WDR3: variants seen among roughly 807,000 people sequenced by gnomAD.
WDR3 encodes the protein WD repeat-containing protein 3.
Under a neutral mutation model 123.7 loss-of-function variants are expected in WDR3, and 81 were observed. The ratio of observed to expected loss-of-function variants is 0.65; its 90% CI spans 0.55 to 0.79. The LOEUF (loss-of-function observed/expected upper bound fraction) is 0.79. Ranked by LOEUF, WDR3 falls within the 30% of genes least tolerant of loss-of-function variation. The pLI is 0.00. For missense variants in WDR3, 1,027 were observed against 1,123.2 expected (o/e 0.91, Z 1.22); for synonymous variants, 390 against 388.8 (o/e 1.00, Z -0.04).
At chr1:117,934,422 T>C in intron 2 of WDR3, 51 bp from the exon 3 acceptor site, 1 of 1,576,420 alleles carries the variant, frequency 6.3e-7, no homozygotes, top group Non-Finnish European at 8.7e-7. Flanking sequence ...TGCTTTTCCC[T>C]TGAGTTCATG....
intron 1 of WDR3, among the ~76,000 whole-genome samples, chr1:117,932,738 A>G (rs1361919329): frequency 1.3e-5 from 2 of 152,194 alleles, no homozygotes; most frequent in Non-Finnish European, 2.9e-5. Context: ...GATATGCATG[A>G]GGTGGGCATG....
chr1:117,953,354 T>C (rs1488559045), intron 20 of WDR3, 122 bp from the exon 21 acceptor site: 1 of 946,454 alleles, frequency 1.1e-6, no homozygotes, highest in Non-Finnish European at 1.6e-6. Flanking sequence ...TGGTAGCTGA[T>C]AACACTGTTA....
rs752771059 is a variant in WDR3 at position 117,957,052 on chromosome 1, A to AT, written c.2454-10dup. ...TAACAAATGTGGCATTTTTATATTTATTTTTTCTTTTTCAGTGAGCTGGAA... is the reference window on the plus strand; with the variant it reads ...TAACAAATGTGGCATTTTTATATTTATTTTTTTCTTTTTCAGTGAGCTGGAA... On this transcript the variant is annotated splice_polypyrimidine_tract_variant and intron_variant, in intron 24 of 26. Coordinates refer to ENST00000349139, the MANE Select transcript of WDR3 (RefSeq NM_006784.3). The AT allele has an allele frequency of 6.5e-7, 1 of 1,546,818 alleles. No individual in the cohort carries two copies. The highest frequency in any genetic ancestry group is 8.7e-7 in the Non-Finnish European group (1 of 1,151,604).
In WDR3 at chr1:117,950,006, A is replaced by G. The variant is rs1651549426; in HGVS notation, c.1622A>G (p.Lys541Arg). The change falls in exon 15 of 27, where the codon AAG (lysine) becomes AGG (arginine). Residue 541 changes from lysine (K) to arginine (R), a missense_variant. By Grantham distance (26) the Lys-to-Arg change is conservative (BLOSUM62 2). Transcript: ENST00000349139. ...TTTTGTGGTGCTAGACTTTCTGTGA[A>G]GCAAACCCGAACTTTGCAACTAGAT... ...ENSTQKRLSV[K>R]QTRTLQLDED... 2 of 1,613,854 alleles carry G rather than the reference A, an allele frequency of 1.2e-6. No individual in the cohort carries two copies. Among genetic ancestry groups the G allele is most frequent in the Non-Finnish European group, 1.7e-6 (2 of 1,179,866 alleles).
chr1:117,943,762 G>C (rs1369421812), intron 11 of WDR3, 136 bp downstream of exon 11: 5 of 757,296 alleles, frequency 6.6e-6, no homozygotes, highest in Non-Finnish European at 1.0e-5. Context: ...CCATTAGCCT[G>C]TGGAGCTTAG....
chr1:117,941,266 G>A (rs1341309584), intron 8 of WDR3, 41 bp downstream of exon 8: 4 of 1,578,866 alleles, frequency 2.5e-6, no homozygotes, highest in African/African-American at 2.7e-5. Context: ...GGACTAGGCT[G>A]TTCCTTCCAA....
chr1:117,958,933 G>C lies in WDR3; in HGVS notation c.2606G>C (p.Ser869Thr). The C allele has an allele frequency of 6.2e-7, 1 of 1,613,964 alleles. No homozygotes were observed. The change falls in exon 26 of 27, where the codon AGC becomes ACC. Residue 869 changes from serine to threonine, a missense_variant. By Grantham distance (58) the Ser-to-Thr change is moderately conservative (BLOSUM62 1). Transcript: ENST00000349139. ...AGGATTCACTTTGGACAGATCACTA[G>C]CAATCAAATGCTTGTGCCAGTGATA... ...LLRIHFGQITSNQMLVPVIEK... is the reference protein window; with the variant it reads ...LLRIHFGQITTNQMLVPVIEK...
At chr1:117,955,403 A>G (rs757347380) in intron 24 of WDR3, 45 bp downstream of exon 24, 9 of 1,565,428 alleles carry the variant, frequency 5.7e-6, no homozygotes, top group Non-Finnish European at 7.9e-6. Context: ...GTCAGCAAAC[A>G]TTTATGAAGT....
chr1:117,942,630 G>A (rs1326926126), intron 10 of WDR3, 86 bp downstream of exon 10: 1 of 1,222,522 alleles, frequency 8.2e-7, no homozygotes, highest in Non-Finnish European at 1.2e-6. Flanking sequence ...TAAGCTGTCT[G>A]TATGAATTAT....
At chr1:117,947,056 A>G (rs1001337339) in intron 12 of WDR3, among the ~76,000 whole-genome samples, 5 of 152,038 alleles carry the variant, frequency 3.3e-5, no homozygotes, top group Non-Finnish European at 7.4e-5. Flanking sequence ...CTTTCGTACC[A>G]GATGGACTGG....
Position 117,960,108 on chromosome 1 carries a change from T to TTGTG in WDR3, c.*661_*662insTGTG, listed in dbSNP as rs1557833932. On this transcript the variant is annotated 3_prime_UTR_variant, in exon 27 of 27. Coordinates refer to ENST00000349139, the MANE Select transcript of WDR3 (RefSeq NM_006784.3). ...CTGGGCTTCTGAGGAATTAATACAC[T>TTGTG]CGTGTGTGTGTGTGTGTGTGTGTGT... 8.3e-5 allele frequency: 8 copies of TTGTG among 96,010 alleles called. No homozygotes were observed. Among genetic ancestry groups the TTGTG allele is most frequent in the South Asian group, 7.8e-4 (2 of 2,552 alleles). The allele number at this position is 96,010 out of a possible 1,614,324, so 5.9% of individuals were successfully genotyped here.
At chr1:117,940,357 G>T (rs1287167757) in intron 6 of WDR3, among the ~76,000 whole-genome samples, 2 of 152,132 alleles carry the variant, frequency 1.3e-5, no homozygotes, top group African/African-American at 4.8e-5. Flanking sequence ...TACTGAAGAG[G>T]TTTGATAAGG....
At chr1:117,953,365 G>T in intron 20 of WDR3, 111 bp from the exon 21 acceptor site, 3 of 1,043,842 alleles carry the variant, frequency 2.9e-6, no homozygotes, top group Non-Finnish European at 4.3e-6. Flanking sequence ...AACACTGTTA[G>T]TATTTTCATA....
At position 117,952,299 on chromosome 1, in the gene WDR3, T is replaced by C. The variant is rs1651649437; in HGVS notation, c.1907T>C (p.Val636Ala). ...TTAATATTTCTGTCACTTTTCAGTG[T>C]GATGTACCTACAGTTTGTACCCAAG... is the stretch of plus-strand genomic sequence containing the variant. ...HKSLFAHDDS[V>A]MYLQFVPKSH... Residue 636 changes from valine (V) to alanine (A), a missense_variant and splice_region_variant, in exon 18 of 27, where the codon GTG (valine) becomes GCG (alanine). Val to Ala is a moderately conservative substitution (Grantham distance 64). Coordinates refer to ENST00000349139, the MANE Select transcript of WDR3 (RefSeq NM_006784.3). 1 of 1,608,106 alleles carries C rather than the reference T, an allele frequency of 6.2e-7. No individual in the cohort carries two copies. Among genetic ancestry groups the C allele is most frequent in the Non-Finnish European group, 8.5e-7 (1 of 1,176,840 alleles).
intron 3 of WDR3, 90 bp from the exon 4 acceptor site, chr1:117,936,679 C>A: frequency 9.5e-7 from 1 of 1,055,734 alleles, no homozygotes; most frequent in Non-Finnish European, 1.4e-6. Context: ...TGTGTATTGC[C>A]TTTTTAATAA....
At chr1:117,937,154 T>A (rs1650970798) in intron 4 of WDR3, among the ~76,000 whole-genome samples, 1 of 152,202 alleles carries the variant, frequency 6.6e-6, no homozygotes, top group African/African-American at 2.4e-5. Context: ...AAACTCATTA[T>A]AGAATGAGCT....
chr1:117,942,474 G>A lies in WDR3; in HGVS notation c.1027G>A (p.Val343Ile), dbSNP rs1651204675. ...SSKGEEEDPEVNVEMSLQDEI... is the reference protein window; with the variant it reads ...SSKGEEEDPEINVEMSLQDEI... The stretch of plus-strand genomic sequence containing the variant: ...CAAAGGAGAGGAGGAAGATCCTGAG[G>A]TTAATGTTGAAATGAGTCTGCAAGA... The change falls in exon 10 of 27, where the codon GTT (valine) becomes ATT (isoleucine). Residue 343 changes from valine to isoleucine, a missense_variant. Coordinates refer to ENST00000349139, the MANE Select transcript of WDR3 (RefSeq NM_006784.3). 6.2e-7 allele frequency: 1 copy of A among 1,613,984 alleles called. No homozygotes were observed. Among genetic ancestry groups the A allele is most frequent in the Non-Finnish European group, 8.5e-7 (1 of 1,179,940 alleles).
intron 20 of WDR3, 91 bp downstream of exon 20, chr1:117,953,087 A>T: frequency 6.9e-7 from 1 of 1,440,178 alleles, no homozygotes; most frequent in Non-Finnish European, 9.6e-7. Flanking sequence ...TAATAGAATT[A>T]AAATTGAGGC....
In WDR3 at chr1:117,952,035, C is replaced by G; in HGVS notation, c.1863C>G (p.Asp621Glu). 1.2e-6 allele frequency: 2 copies of G among 1,613,456 alleles called. No homozygotes were observed. Among genetic ancestry groups the G allele is most frequent in the South Asian group, 2.2e-5 (2 of 91,056 alleles). The change falls in exon 17 of 27, where the codon GAC (aspartate) becomes GAG (glutamate). Residue 621 changes from aspartate (D) to glutamate (E), a missense_variant. By Grantham distance (45) the Asp-to-Glu change is conservative. Coordinates refer to ENST00000349139, the MANE Select transcript of WDR3 (RefSeq NM_006784.3). ...GGAATGTGAAAATCTGGGGTTTGGACTTTGGGGACTGCCACAAGTCTCTCT... is the reference window on the plus strand; with the variant it reads ...GGAATGTGAAAATCTGGGGTTTGGAGTTTGGGGACTGCCACAAGTCTCTCT... ...ADRNVKIWGL[D>E]FGDCHKSLFA...
Sources: allele counts gnomAD v4.1 joint callset (sites outside exome capture counted in the v4.1 genomes callset), GRCh38; gene constraint gnomAD v4.1.1; transcripts MANE v1.5; gene names NCBI Gene and HGNC (gene_info 2026-07-23, HGNC 2026-07-21).